Variants in PPP1R1C observed in about 807,000 individuals in gnomAD.
The protein encoded by PPP1R1C is protein phosphatase 1 regulatory subunit 1C.
A neutral mutation model predicts 17.4 loss-of-function variants in PPP1R1C; 15 were observed. The observed-to-expected ratio is 0.86, with a 90% CI of 0.58 to 1.33. The LOEUF (loss-of-function observed/expected upper bound fraction) is 1.33. Ranked by LOEUF, PPP1R1C falls within the 40% of genes most tolerant of loss-of-function variation. The pLI is 0.00. For missense variants in PPP1R1C, 143 were observed against 130.0 expected (o/e 1.10, Z -0.48); for synonymous variants, 35 against 43.1 (o/e 0.81, Z 0.73).
intron 2 of PPP1R1C, among the ~76,000 whole-genome samples, chr2:182,029,035 C>T (rs945276997): frequency 2.8e-5 from 4 of 142,614 alleles, no homozygotes; most frequent in African/African-American, 1.1e-4. Flanking sequence ...GGATTGCAAC[C>T]CCTGCCTTTT....
chr2:182,014,340 T>C (rs6751224), intron 2 of PPP1R1C, among the ~76,000 whole-genome samples: 25 of 152,212 alleles, frequency 1.6e-4, no homozygotes, highest in African/African-American at 5.5e-4. Context: ...TGAGGGACTT[T>C]CCTAGATTAC....
intron 4 of PPP1R1C, among the ~76,000 whole-genome samples, chr2:182,076,192 C>CTTTTATTTTTTTT (rs1688296764): frequency 3.9e-5 from 1 of 25,838 alleles, no homozygotes; most frequent in African/African-American, 1.6e-4. Context: ...TTTTTTTTTT[C>CTTTTATTTTTTTT]TTTTCTTTTT....
At chr2:181,982,416 C>A (rs1332311438), upstream of PPP1R1C, among the ~76,000 whole-genome samples, 2 of 152,026 alleles carry the variant, frequency 1.3e-5, no homozygotes, top group African/African-American at 4.8e-5. Flanking sequence ...CCTAATTGGA[C>A]TTATTTAGTA....
chr2:182,092,439 C>G (rs1688808322), intron 4 of PPP1R1C, among the ~76,000 whole-genome samples: 1 of 152,056 alleles, frequency 6.6e-6, no homozygotes, highest in Non-Finnish European at 1.5e-5. Flanking sequence ...AGCCCCTGGC[C>G]CCTCCCAAAT....
chr2:182,021,328 T>C lies in PPP1R1C; in HGVS notation c.142+33429T>C, dbSNP rs1016811010. Among the ~76,000 whole-genome samples the C allele has an allele frequency of 1.9e-3, 252 of 132,646 alleles. 12 individuals carry two copies. Among genetic ancestry groups the C allele is most frequent in the Non-Finnish European group, 2.7e-3 (168 of 63,006 alleles). 87.0% of individuals were successfully genotyped at this position (132,646 alleles called of 152,430 possible). A position where few individuals can be genotyped will look rare whatever the true frequency, so the allele number is the denominator to read the frequency against. On this transcript the variant is annotated intron_variant, in intron 2 of 4. Coordinates refer to ENST00000682840, the MANE Select transcript of PPP1R1C (RefSeq NM_001080545.3). ...TATTCTTTCTCTCTCTCTCTTTTTT[T>C]TTTTTTTTTTTTTTTTTTTTAATGG...
intron 4 of PPP1R1C, among the ~76,000 whole-genome samples, chr2:182,080,790 A>G (rs980966929): frequency 6.6e-6 from 1 of 152,166 alleles, no homozygotes; most frequent in Non-Finnish European, 1.5e-5. Flanking sequence ...TTTAATATGC[A>G]TTGATTATGT....
chr2:182,027,914 T>C (rs1008022570), intron 2 of PPP1R1C, among the ~76,000 whole-genome samples: 2 of 130,894 alleles, frequency 1.5e-5, no homozygotes, highest in African/African-American at 5.7e-5. Context: ...ATTCAGAGAT[T>C]CAACTACTTC....
chr2:182,129,334 C>G (rs923733311), exon 6 of PPP1R1C: 4 of 152,066 alleles, frequency 2.6e-5, no homozygotes, highest in Non-Finnish European at 4.4e-5. Context: ...TGAGCCTTCT[C>G]TTACAACAGG....
At chr2:181,989,384 A>G (rs1685392785) in intron 2 of PPP1R1C, among the ~76,000 whole-genome samples, 1 of 152,196 alleles carries the variant, frequency 6.6e-6, no homozygotes, top group South Asian at 2.1e-4. Context: ...AGGTGAAGTG[A>G]TTTTTGTGGC....
chr2:181,994,491 G>A (rs1201282482), intron 2 of PPP1R1C, among the ~76,000 whole-genome samples: 1 of 151,934 alleles, frequency 6.6e-6, no homozygotes, highest in Non-Finnish European at 1.5e-5. Flanking sequence ...ACTTAGTCTA[G>A]ACTGTCTCAT....
downstream of PPP1R1C, among the ~76,000 whole-genome samples, chr2:182,121,030 C>A (rs1689720912): frequency 6.6e-6 from 1 of 152,170 alleles, no homozygotes; most frequent in African/African-American, 2.4e-5. Flanking sequence ...AATGGCTTTT[C>A]ACTTTACTTT....
intron 4 of PPP1R1C, among the ~76,000 whole-genome samples, chr2:182,078,982 AT>A (rs1688394891): frequency 6.6e-6 from 1 of 152,244 alleles, no homozygotes; most frequent in African/African-American, 2.4e-5. Context: ...CATAGTTTTT[AT>A]TTAAAGAAGT....
chr2:182,106,971 A>G (rs1177617564), intron 4 of PPP1R1C, among the ~76,000 whole-genome samples: 5 of 152,140 alleles, frequency 3.3e-5, no homozygotes, highest in Admixed American at 1.3e-4. Context: ...CCCATTTCAC[A>G]GTCATTTTGG....
chr2:181,993,412 C>T (rs1434893444), intron 2 of PPP1R1C, among the ~76,000 whole-genome samples: 3 of 152,062 alleles, frequency 2.0e-5, no homozygotes, highest in Non-Finnish European at 4.4e-5. Context: ...GAGGTACCAG[C>T]CACCCCCAGG....
At chr2:182,127,603 A>G (rs554522829) in intron 5 of PPP1R1C, among the ~76,000 whole-genome samples, 4 of 152,114 alleles carry the variant, frequency 2.6e-5, no homozygotes, top group Non-Finnish European at 4.4e-5. Context: ...AACAGTGGGA[A>G]GAAAAGGGGA....
chr2:182,021,140 A>G (rs1312273589), intron 2 of PPP1R1C, among the ~76,000 whole-genome samples: 1 of 152,030 alleles, frequency 6.6e-6, no homozygotes, highest in Non-Finnish European at 1.5e-5. Context: ...CTGGAGTGTA[A>G]ATGAATCTTT....
chr2:182,053,354 A>G lies in PPP1R1C; in HGVS notation c.143-8088A>G, dbSNP rs546707244. Among the ~76,000 whole-genome samples, 184 of 152,352 alleles carry G rather than the reference A, an allele frequency of 1.2e-3. 1 individual carries two copies. Among genetic ancestry groups the G allele is most frequent in the African/African-American group, 4.3e-3 (177 of 41,590 alleles). Reference sequence around the variant, plus strand: ...TTTAAACACTTTGGAATGTATAAATATAAGTTGATCTTATTCATTGATAAA... The same window carrying G: ...TTTAAACACTTTGGAATGTATAAATGTAAGTTGATCTTATTCATTGATAAA... On this transcript the variant is annotated intron_variant, in intron 2 of 4. Transcript: ENST00000682840.
chr2:182,130,441 T>A (rs1006726497), downstream of PPP1R1C: 7 of 152,154 alleles, frequency 4.6e-5, no homozygotes, highest in Non-Finnish European at 8.8e-5. Context: ...GAGGAATGAG[T>A]TTAATTGACT....
chr2:182,097,786 C>T (rs1458459507), intron 4 of PPP1R1C, among the ~76,000 whole-genome samples: 1 of 152,164 alleles, frequency 6.6e-6, no homozygotes, highest in Non-Finnish European at 1.5e-5. Flanking sequence ...TTCTTCTCTT[C>T]CTGCTCTCTC....
Sources: gnomAD v4.1 joint callset for allele counts (sites outside exome capture counted in the v4.1 genomes callset) on GRCh38, gnomAD v4.1.1 for gene constraint, MANE v1.5 for transcripts, NCBI Gene and HGNC (gene_info 2026-07-23, HGNC 2026-07-21) for gene names.